Variants in SLC19A3 observed in about 807,000 individuals in gnomAD.
SLC19A3 encodes solute carrier family 19 member 3.
Under a neutral mutation model 40.2 loss-of-function variants are expected in SLC19A3, and 31 were observed. That is an observed-to-expected ratio of 0.77 (90% CI 0.58 to 1.04). The LOEUF is 1.04. Ranked by LOEUF, SLC19A3 falls within the 50% of genes least tolerant of loss-of-function variation. The probability of loss-of-function intolerance (pLI) is 0.00; values close to 1 mark genes in which losing one functional copy is unlikely to be tolerated. For synonymous variants in SLC19A3, 212 were observed against 227.5 expected (o/e 0.93, Z 0.61); for missense variants, 592 against 596.7 (o/e 0.99, Z 0.08).
intron 1 of SLC19A3, chr2:227,714,604 A>G (rs1357699907): frequency 2.0e-6 from 2 of 984,718 alleles, no homozygotes; most frequent in Admixed American, 1.2e-4. Flanking sequence ...CAGAGCTGCC[A>G]AGAGCAATAG....
chr2:227,704,245 C>A (rs1441334891), intron 1 of SLC19A3, among the ~76,000 whole-genome samples: 1 of 152,150 alleles, frequency 6.6e-6, no homozygotes, highest in Non-Finnish European at 1.5e-5. Context: ...ATGAGTCACG[C>A]CTCACCACTG....
intron 1 of SLC19A3, among the ~76,000 whole-genome samples, chr2:227,707,421 CAAAA>C (rs1695987198): frequency 6.6e-6 from 1 of 151,882 alleles, no homozygotes; most frequent in Admixed American, 6.6e-5. Flanking sequence ...CCTGTCTCTA[CAAAA>C]ATACAAAGTT....
At chr2:227,702,131 A>T (rs906049335) in intron 2 of SLC19A3, 38 bp downstream of exon 2, 5 of 1,578,320 alleles carry the variant, frequency 3.2e-6, no homozygotes, top group Non-Finnish European at 4.4e-6. Context: ...CATAAAATTT[A>T]AAAAACCACA....
At position 227,687,478 on chromosome 2, in the gene SLC19A3, T is replaced by C. The variant is rs747122266; in HGVS notation, c.1410A>G (p.Val470=). The stretch of plus-strand genomic sequence containing the variant: ...GATTCTCACTTGGAGCAGGGCTCTG[T>C]ACATCCTTCTGGGATTTGGTTGAGT... ...ITYSTKSQKD[V]QSPAPSENPD... is the part of the protein sequence containing the mutation. Residue 470 remains valine (V), a synonymous_variant, in exon 6 of 6, where the codon GTA becomes GTG. Transcript: ENST00000644224. 3.1e-6 allele frequency: 5 copies of C among 1,614,178 alleles called. No individual in the cohort carries two copies. In the East Asian group the frequency reaches 1.1e-4, roughly 36 times the overall value.
rs774376240 is a variant in SLC19A3 at position 227,698,797 on chromosome 2, C to T, written c.918G>A (p.Lys306=). 1 of 1,614,202 alleles carries T rather than the reference C, an allele frequency of 6.2e-7. No homozygotes were observed. Among genetic ancestry groups the T allele is most frequent in the Non-Finnish European group, 8.5e-7 (1 of 1,180,050 alleles). The change falls in exon 3 of 6, where the codon AAG becomes AAA. Residue 306 remains lysine (K), a synonymous_variant. Coordinates refer to ENST00000644224, the MANE Select transcript of SLC19A3 (RefSeq NM_025243.4). ...LNYVQILWDY[K]APSQDSSIYN... ...AGATGGAAGAATCTTGGGATGGCGC[C>T]TTGTAATCCCACAGGATTTGAACAT...
chr2:227,716,952 C>A (rs1300458511), intron 1 of SLC19A3, among the ~76,000 whole-genome samples: 7 of 149,060 alleles, frequency 4.7e-5, no homozygotes, highest in African/African-American at 1.7e-4. Flanking sequence ...ACAGGAGACA[C>A]CAATGTTTCA....
chr2:227,699,232 C>G lies in SLC19A3; in HGVS notation c.483G>C (p.Leu161Phe). The G allele has an allele frequency of 6.2e-7, 1 of 1,614,066 alleles. No individual in the cohort carries two copies. The highest frequency in any genetic ancestry group is 1.3e-5 in the African/African-American group (1 of 75,024). Residue 161 changes from leucine (L) to phenylalanine (F), a missense_variant, in exon 3 of 6, where the codon TTG becomes TTC. Coordinates refer to ENST00000644224, the MANE Select transcript of SLC19A3 (RefSeq NM_025243.4). ...YTAGSVLAQL[L>F]VSLANMSYFY... is the part of the protein sequence containing the mutation. The stretch of plus-strand genomic sequence containing the variant: ...AGTACGACATGTTCGCCAGGGATAC[C>G]AAGAGTTGAGCCAGCACCGACCCTG...
intron 2 of SLC19A3, chr2:227,700,876 G>C (rs1362793584): frequency 7.9e-7 from 1 of 1,265,056 alleles, no homozygotes; most frequent in Non-Finnish European, 1.0e-6. Flanking sequence ...AGGGATGGGT[G>C]AGTGCCGCAG....
In SLC19A3 at chr2:227,698,718, T is replaced by C. The variant is rs766983991; in HGVS notation, c.979+18A>G. ...GCGGGTAAAGCCAACAAAGGAAGAT[T>C]AAGTGACATTTGCTTACCTCCAAAG... On this transcript the variant is annotated intron_variant, in intron 3 of 5. Coordinates refer to ENST00000644224, the MANE Select transcript of SLC19A3 (RefSeq NM_025243.4). 6.2e-7 allele frequency: 1 copy of C among 1,603,880 alleles called. No individual in the cohort carries two copies. Among genetic ancestry groups the C allele is most frequent in the Admixed American group, 1.7e-5 (1 of 60,016 alleles).
chr2:227,698,034 G>A (rs1253475602), intron 3 of SLC19A3, among the ~76,000 whole-genome samples: 1 of 152,148 alleles, frequency 6.6e-6, no homozygotes, highest in South Asian at 2.1e-4. Flanking sequence ...AGCTGAGATC[G>A]CACCACTGCA....
chr2:227,715,308 G>A (rs1022889794), intron 1 of SLC19A3, among the ~76,000 whole-genome samples: 6 of 151,912 alleles, frequency 3.9e-5, no homozygotes, highest in Admixed American at 2.6e-4. Context: ...TTCCAAAGAC[G>A]TAAACTAGAC....
intron 3 of SLC19A3, among the ~76,000 whole-genome samples, chr2:227,697,235 C>T (rs764971778): frequency 6.6e-6 from 1 of 152,060 alleles, no homozygotes; most frequent in Admixed American, 6.6e-5. Flanking sequence ...TGGCACAGTC[C>T]TGGTTTCCAG....
At chr2:227,714,382 C>T (rs1696255703) in intron 1 of SLC19A3, 1 of 973,724 alleles carries the variant, frequency 1.0e-6, no homozygotes. Context: ...CCACATATAA[C>T]ATTTTTCAGT....
chr2:227,716,615 A>G (rs1448833799), intron 1 of SLC19A3, among the ~76,000 whole-genome samples: 4 of 152,142 alleles, frequency 2.6e-5, no homozygotes, highest in African/African-American at 9.7e-5. Flanking sequence ...CATGCTCCCT[A>G]GCAGAAGCCC....
rs1046859821 is a variant in SLC19A3 at position 227,696,088 on chromosome 2, A to G, written c.980-7T>C. On this transcript the variant is annotated splice_region_variant and splice_polypyrimidine_tract_variant and intron_variant, in intron 3 of 5. Coordinates refer to ENST00000644224, the MANE Select transcript of SLC19A3 (RefSeq NM_025243.4). ...GCAAAGGCAGCCACAGCCCCTGAAA[A>G]AAAACATTGAAGGCAATCAAACATA... is the stretch of plus-strand genomic sequence containing the variant. The G allele has an allele frequency of 1.2e-6, 2 of 1,613,716 alleles. No individual in the cohort carries two copies. The highest frequency in any genetic ancestry group is 2.7e-5 in the African/African-American group (2 of 74,912).
intron 1 of SLC19A3, among the ~76,000 whole-genome samples, chr2:227,713,810 A>G (rs1696232597): frequency 6.6e-6 from 1 of 152,024 alleles, no homozygotes; most frequent in African/African-American, 2.4e-5. Context: ...AAAAAACAAC[A>G]AAACAAATCA....
chr2:227,710,043 G>A (rs1378460726), intron 1 of SLC19A3, among the ~76,000 whole-genome samples: 2 of 152,118 alleles, frequency 1.3e-5, no homozygotes, highest in African/African-American at 2.4e-5. Context: ...TGCATGCACA[G>A]TTCACAGTAG....
At chr2:227,688,445 C>G in intron 4 of SLC19A3, 138 bp from the exon 5 acceptor site, 1 of 720,406 alleles carries the variant, frequency 1.4e-6, no homozygotes. Flanking sequence ...GAGAGAGAGA[C>G]TGTCTGGAAG....
At chr2:227,709,747 A>G (rs759544760) in intron 1 of SLC19A3, among the ~76,000 whole-genome samples, 61 of 152,138 alleles carry the variant, frequency 4.0e-4, no homozygotes, top group Non-Finnish European at 1.3e-4. Context: ...GACTGCCTGG[A>G]GAAGAACAAG....
Sources: allele counts gnomAD v4.1 joint callset (sites outside exome capture counted in the v4.1 genomes callset), GRCh38; gene constraint gnomAD v4.1.1; transcripts MANE v1.5; gene names NCBI Gene and HGNC (gene_info 2026-07-23, HGNC 2026-07-21).